ZCWPW2: variants seen among roughly 807,000 people sequenced by gnomAD.
The protein encoded by ZCWPW2 is zinc finger CW-type and PWWP domain containing 2, also known as zinc finger CW-type PWWP domain protein 2.
In ZCWPW2, 45 loss-of-function variants were observed where a neutral mutation model predicts 46.6. The observed-to-expected ratio is 0.96, with a 90% CI of 0.76 to 1.24. The LOEUF (loss-of-function observed/expected upper bound fraction) is 1.24. ZCWPW2 is among the 50% of genes most tolerant of loss of function. ZCWPW2 has a pLI of 0.00. For missense variants in ZCWPW2, 429 were observed against 403.9 expected (o/e 1.06, Z -0.53); for synonymous variants, 152 against 137.1 (o/e 1.11, Z -0.76).
At chr3:28,501,637 A>T (rs777443832) in intron 6 of ZCWPW2, among the ~76,000 whole-genome samples, 1 of 152,204 alleles carries the variant, frequency 6.6e-6, no homozygotes. Flanking sequence ...TACTCATAAA[A>T]CTATCATCCC....
At chr3:28,435,354 TA>T in intron 4 of ZCWPW2, 85 bp downstream of exon 4, 1 of 1,371,558 alleles carries the variant, frequency 7.3e-7, no homozygotes, top group South Asian at 1.6e-5. Flanking sequence ...AAAATATGTA[TA>T]AGTTGCTTTT....
chr3:28,397,279 C>G (rs1209823379), intron 2 of ZCWPW2, among the ~76,000 whole-genome samples: 2 of 152,158 alleles, frequency 1.3e-5, no homozygotes, highest in Non-Finnish European at 2.9e-5. Flanking sequence ...TCTTAAATAC[C>G]TTTGTTTTAA....
chr3:28,524,886 A>G lies in ZCWPW2; in HGVS notation c.*198A>G, dbSNP rs1700812160. 3.0e-6 allele frequency: 1 copy of G among 330,200 alleles called. No homozygotes were observed. The highest frequency in any genetic ancestry group is 2.1e-5 in the African/African-American group (1 of 46,684). 20.5% of individuals were successfully genotyped at this position (330,200 alleles called of 1,614,324 possible). A position where few individuals can be genotyped will look rare whatever the true frequency, so the allele number is the denominator to read the frequency against. On this transcript the variant is annotated 3_prime_UTR_variant, in exon 10 of 10. Coordinates refer to ENST00000383768, the MANE Select transcript of ZCWPW2 (RefSeq NM_001040432.4). ...AATGGTATTTAAGTTAGTGTTAAAA[A>G]TTTAGAATTAAAAAACCCTGATATT...
intron 2 of ZCWPW2, among the ~76,000 whole-genome samples, chr3:28,399,603 C>G (rs1419862784): frequency 3.3e-5 from 5 of 152,202 alleles, no homozygotes; most frequent in Non-Finnish European, 7.3e-5. Context: ...GTTCACATCA[C>G]AGGATTCTGT....
chr3:28,370,596 GA>G (rs549033855), intron 1 of ZCWPW2, among the ~76,000 whole-genome samples: 54 of 152,294 alleles, frequency 3.5e-4, no homozygotes, highest in Admixed American at 2.2e-3. Flanking sequence ...GAGGTTATAA[GA>G]TATCTAAGGT....
intron 2 of ZCWPW2, among the ~76,000 whole-genome samples, chr3:28,393,829 T>TCATACTCAG (rs1421628620): frequency 1.3e-5 from 2 of 152,094 alleles, no homozygotes; most frequent in African/African-American, 2.4e-5. Flanking sequence ...ATGGCTAACA[T>TCATACTCAG]CATACTCAGT....
intron 2 of ZCWPW2, among the ~76,000 whole-genome samples, chr3:28,391,519 C>A (rs975687542): frequency 1.3e-5 from 2 of 152,138 alleles, no homozygotes; most frequent in Non-Finnish European, 2.9e-5. Flanking sequence ...AGAATAATTG[C>A]AGAAATGGGC....
intron 1 of ZCWPW2, among the ~76,000 whole-genome samples, chr3:28,384,660 T>A (rs978422674): frequency 6.6e-6 from 1 of 151,028 alleles, no homozygotes; most frequent in Non-Finnish European, 1.5e-5. Context: ...TCACCCAGGC[T>A]GGAGTGCAGT....
At chr3:28,440,206 C>G (rs1394588620) in intron 4 of ZCWPW2, among the ~76,000 whole-genome samples, 2 of 152,136 alleles carry the variant, frequency 1.3e-5, no homozygotes, top group African/African-American at 2.4e-5. Context: ...GGTCAGTCAC[C>G]CAAGCCAACA....
At chr3:28,351,534 A>G (rs1271230395) in intron 1 of ZCWPW2, 1 of 151,710 alleles carries the variant, frequency 6.6e-6, no homozygotes, top group South Asian at 2.1e-4. Flanking sequence ...CTTAGGCAAC[A>G]TGTAAAAATA....
At chr3:28,458,070 G>C (rs953126544) in intron 4 of ZCWPW2, among the ~76,000 whole-genome samples, 3 of 152,096 alleles carry the variant, frequency 2.0e-5, no homozygotes, top group Admixed American at 2.0e-4. Flanking sequence ...ATGGGCTAAG[G>C]AACTCTTTAT....
intron 5 of ZCWPW2, 113 bp from the exon 6 acceptor site, chr3:28,492,014 A>C (rs1422570074): frequency 1.9e-6 from 2 of 1,068,534 alleles, no homozygotes; most frequent in Non-Finnish European, 2.7e-6. Context: ...CGGGAACAAA[A>C]TACTGTTACA....
At chr3:28,402,642 C>G (rs968149039) in intron 2 of ZCWPW2, among the ~76,000 whole-genome samples, 2 of 152,100 alleles carry the variant, frequency 1.3e-5, no homozygotes, top group Non-Finnish European at 2.9e-5. Context: ...AACATAGTTG[C>G]TGAAATCTTT....
At chr3:28,453,062 A>G (rs1698287139) in intron 4 of ZCWPW2, among the ~76,000 whole-genome samples, 1 of 152,216 alleles carries the variant, frequency 6.6e-6, no homozygotes, top group Admixed American at 6.5e-5. Context: ...AAAGCAGGAA[A>G]TAAGTTAGAG....
chr3:28,365,172 T>A (rs992281192), intron 1 of ZCWPW2, among the ~76,000 whole-genome samples: 1 of 150,048 alleles, frequency 6.7e-6, no homozygotes, highest in African/African-American at 2.4e-5. Flanking sequence ...TTTGTCAATT[T>A]TGGCTTTTGT....
intron 4 of ZCWPW2, among the ~76,000 whole-genome samples, chr3:28,459,787 A>G (rs1698558119): frequency 6.6e-6 from 1 of 152,212 alleles, no homozygotes; most frequent in South Asian, 2.1e-4. Context: ...ATTGTTTTCC[A>G]AAAGGATGTC....
chr3:28,352,023 G>C (rs556718640), intron 1 of ZCWPW2, among the ~76,000 whole-genome samples: 12 of 151,868 alleles, frequency 7.9e-5, no homozygotes, highest in Admixed American at 7.9e-4. Flanking sequence ...ATAAAACCTG[G>C]TATTTGGGCA....
intron 4 of ZCWPW2, among the ~76,000 whole-genome samples, chr3:28,443,426 G>C (rs1422922435): frequency 6.6e-6 from 1 of 152,070 alleles, no homozygotes; most frequent in Non-Finnish European, 1.5e-5. Context: ...ATTGATTGAG[G>C]GGGTGTGGTT....
intron 3 of ZCWPW2, among the ~76,000 whole-genome samples, chr3:28,423,339 C>A (rs1028190459): frequency 4.0e-5 from 6 of 149,606 alleles, no homozygotes; most frequent in African/African-American, 7.4e-5. Context: ...TTGCTCCCAG[C>A]AGTTTCTCAT....
Sources: gnomAD v4.1 joint callset for allele counts (sites outside exome capture counted in the v4.1 genomes callset) on GRCh38, gnomAD v4.1.1 for gene constraint, MANE v1.5 for transcripts, NCBI Gene and HGNC (gene_info 2026-07-23, HGNC 2026-07-21) for gene names.